WDR27: variants seen among roughly 807,000 people sequenced by gnomAD.
WDR27 encodes WD repeat domain 27.
WDR27 carries 100 observed loss-of-function variants against 114.4 expected under a neutral mutation model. The ratio of observed to expected loss-of-function variants is 0.87; its 90% CI spans 0.74 to 1.03. The LOEUF is 1.03. Ranked by LOEUF, WDR27 falls within the 50% of genes least tolerant of loss-of-function variation. The pLI is 0.00. For synonymous variants in WDR27, 449 were observed against 423.1 expected (o/e 1.06, Z -0.75); for missense variants, 1,129 against 1,092.9 (o/e 1.03, Z -0.47).
chr6:169,625,775 G>A (rs1270690768), intron 21 of WDR27, among the ~76,000 whole-genome samples: 1 of 152,174 alleles, frequency 6.6e-6, no homozygotes, highest in Admixed American at 6.5e-5. Flanking sequence ...GCTCTGGGGG[G>A]GATGAGGATG....
At chr6:169,670,490 C>T in intron 4 of WDR27, 79 bp downstream of exon 4, 1 of 1,552,890 alleles carries the variant, frequency 6.4e-7, no homozygotes. Context: ...AAAGAAAAGA[C>T]CGCTGGGCAA....
intron 21 of WDR27, among the ~76,000 whole-genome samples, chr6:169,626,368 T>C (rs931853108): frequency 7.9e-5 from 12 of 151,638 alleles, no homozygotes; most frequent in African/African-American, 2.9e-4. Context: ...CCAAGGGGGG[T>C]TGCATTGCCT....
At chr6:169,693,797 A>G (rs1267392961) in intron 1 of WDR27, among the ~76,000 whole-genome samples, 2 of 152,206 alleles carry the variant, frequency 1.3e-5, no homozygotes, top group Non-Finnish European at 2.9e-5. Context: ...AAATATCACA[A>G]TCCTAAATAT....
chr6:169,678,437 T>C (rs968283359), intron 2 of WDR27, among the ~76,000 whole-genome samples: 2 of 152,246 alleles, frequency 1.3e-5, no homozygotes, highest in African/African-American at 4.8e-5. Context: ...GGAATGTTTA[T>C]CCAATGCCTA....
intron 14 of WDR27, among the ~76,000 whole-genome samples, chr6:169,649,560 A>G (rs1821701335): frequency 6.6e-6 from 1 of 151,930 alleles, no homozygotes; most frequent in South Asian, 2.1e-4. Context: ...CCAAAGCCCC[A>G]GGTTGGCACT....
intron 25 of WDR27, among the ~76,000 whole-genome samples, chr6:169,540,326 T>C (rs1189972361): frequency 6.6e-6 from 1 of 152,228 alleles, no homozygotes; most frequent in African/African-American, 2.4e-5. Context: ...TCATATATTC[T>C]TTTGTTTTCT....
the WDR27 span, among the ~76,000 whole-genome samples, chr6:169,428,045 G>A: frequency 2.0e-5 from 3 of 152,138 alleles, no homozygotes; most frequent in African/African-American, 4.8e-5. Context: ...CAAAGGTCCC[G>A]TCTCCACTTT....
intron 13 of WDR27, among the ~76,000 whole-genome samples, chr6:169,656,416 G>A (rs1375535310): frequency 6.6e-6 from 1 of 152,164 alleles, no homozygotes; most frequent in Non-Finnish European, 1.5e-5. Context: ...ACCTGCCTGT[G>A]TCCACCTGGA....
chr6:169,700,105 C>G (rs955660773), intron 1 of WDR27, among the ~76,000 whole-genome samples: 12 of 152,222 alleles, frequency 7.9e-5, no homozygotes, highest in Non-Finnish European at 1.5e-5. Context: ...CAGTGTCTGC[C>G]ATGTGTCTCC....
At chr6:169,628,558 A>T (rs900235970) in intron 21 of WDR27, among the ~76,000 whole-genome samples, 1 of 152,086 alleles carries the variant, frequency 6.6e-6, no homozygotes, top group African/African-American at 2.4e-5. Context: ...GTGCCTTTAA[A>T]CTCCTCGTAA....
At chr6:169,586,847 C>CAAAAAAAAAAAAAAAAAAAAAAAAAAAA (rs3029697) in intron 23 of WDR27, among the ~76,000 whole-genome samples, 1 of 32,058 alleles carries the variant, frequency 3.1e-5, no homozygotes, top group Non-Finnish European at 5.6e-5. Context: ...GACTCTGTCT[C>CAAAAAAAAAAAAAAAAAAAAAAAAAAAA]AAAAAAAAAA....
intron 24 of WDR27, among the ~76,000 whole-genome samples, chr6:169,576,965 T>A (rs1584337094): frequency 6.6e-6 from 1 of 151,270 alleles, no homozygotes; most frequent in South Asian, 2.1e-4. Context: ...ATTATGAAAA[T>A]CACAGTTAAG....
At chr6:169,616,721 A>G (rs932753101) in intron 21 of WDR27, among the ~76,000 whole-genome samples, 18 of 152,220 alleles carry the variant, frequency 1.2e-4, no homozygotes, top group Admixed American at 5.2e-4. Context: ...AACAAACCAT[A>G]GTGTCCAGTT....
intron 25 of WDR27, among the ~76,000 whole-genome samples, chr6:169,516,101 A>G (rs1352365796): frequency 6.6e-6 from 1 of 152,214 alleles, no homozygotes; most frequent in African/African-American, 2.4e-5. Flanking sequence ...TAAAAGCAAT[A>G]AGAAAACTGT....
intron 25 of WDR27, among the ~76,000 whole-genome samples, chr6:169,501,772 C>T (rs779134110): frequency 1.3e-5 from 2 of 152,188 alleles, no homozygotes; most frequent in Non-Finnish European, 1.5e-5. Flanking sequence ...GTTGTCTGCT[C>T]AGTAACCTAG....
At chr6:169,476,983 G>T (rs1387889582) in intron 25 of WDR27, among the ~76,000 whole-genome samples, 1 of 152,184 alleles carries the variant, frequency 6.6e-6, no homozygotes, top group Non-Finnish European at 1.5e-5. Flanking sequence ...TGACATTTGT[G>T]TCTTTAACTA....
Position 169,634,480 on chromosome 6 carries a change from C to T in WDR27, c.2049G>A (p.Thr683=), listed in dbSNP as rs1225472275. Residue 683 remains threonine (T), a synonymous_variant, in exon 20 of 26, where the codon ACG becomes ACA. Transcript: ENST00000448612. ...SKSKLICRLS[T]TGAVDMTSLS... ...AACTGGTCATGTCTACTGCACCCGT[C>T]GTGGAGAGCCTGCAAATCAGCTTGG... 10 of 1,613,168 alleles carry T rather than the reference C, an allele frequency of 6.2e-6. No individual in the cohort carries two copies. Among genetic ancestry groups the T allele is most frequent in the African/African-American group, 1.3e-5 (1 of 75,008 alleles).
intron 25 of WDR27, among the ~76,000 whole-genome samples, chr6:169,523,822 C>A (rs1794664206): frequency 2.0e-5 from 3 of 151,896 alleles, no homozygotes; most frequent in Middle Eastern, 3.5e-3. Context: ...ATGACAAAAC[C>A]ACAGCTAACA....
chr6:169,579,822 T>G (rs1019739320), intron 24 of WDR27, among the ~76,000 whole-genome samples: 3 of 152,208 alleles, frequency 2.0e-5, no homozygotes, highest in African/African-American at 7.2e-5. Context: ...CTACACACTT[T>G]GCTCGAAAAA....
Sources: allele counts gnomAD v4.1 joint callset (sites outside exome capture counted in the v4.1 genomes callset), GRCh38; gene constraint gnomAD v4.1.1; transcripts MANE v1.5; gene names NCBI Gene and HGNC (gene_info 2026-07-23, HGNC 2026-07-21).